Variants in GPATCH8 observed in about 807,000 individuals in gnomAD.
The protein encoded by GPATCH8 is G-patch domain containing 8.
In GPATCH8, 18 loss-of-function variants were observed where a neutral mutation model predicts 118.3. The ratio of observed to expected loss-of-function variants is 0.15; its 90% CI spans 0.11 to 0.23. The LOEUF is 0.23. Ranked by LOEUF, GPATCH8 falls within the 10% of genes least tolerant of loss-of-function variation. GPATCH8 has a pLI of 1.00. For missense variants in GPATCH8, 1,631 were observed against 1,873.8 expected, an observed-to-expected ratio of 0.87 and a Z score of 2.39; for synonymous variants, 659 against 684.7, an observed-to-expected ratio of 0.96 and a Z score of 0.59.
At chr17:44,431,647 C>T (rs576664037) in intron 5 of GPATCH8, among the ~76,000 whole-genome samples, 2 of 151,814 alleles carry the variant, frequency 1.3e-5, no homozygotes, top group African/African-American at 4.8e-5. Context: ...AGACTATATA[C>T]AAGTAAAACT....
Position 44,483,179 on chromosome 17 carries a change from ATATATATATATAT to A in GPATCH8, c.46-8289_46-8277del, listed in dbSNP as rs1568055940. On this transcript the variant is annotated intron_variant, in intron 1 of 7. Coordinates refer to ENST00000591680, the MANE Select transcript of GPATCH8 (RefSeq NM_001002909.4). ...CAAAAAAAAAAAAAAAAAAAAAAAT[ATATATATATATAT>A]ATATATATATATATATATATATATA... Among the ~76,000 whole-genome samples, 181 of 19,996 alleles carry A rather than the reference ATATATATATATAT, an allele frequency of 9.1e-3. 13 individuals carry two copies. Among genetic ancestry groups the A allele is most frequent in the Middle Eastern group, 0.016 (1 of 64 alleles). 13.1% of individuals were successfully genotyped at this position (19,996 alleles called of 152,430 possible). A position where few individuals can be genotyped will look rare whatever the true frequency, so the allele number is the denominator to read the frequency against.
intron 5 of GPATCH8, among the ~76,000 whole-genome samples, chr17:44,427,378 T>G (rs533238260): frequency 6.6e-6 from 1 of 152,018 alleles, no homozygotes; most frequent in African/African-American, 2.4e-5. Flanking sequence ...ACAACCACTT[T>G]TAAGTAAGTT....
chr17:44,418,199 G>C (rs1462186987), intron 6 of GPATCH8, among the ~76,000 whole-genome samples: 1 of 151,272 alleles, frequency 6.6e-6, no homozygotes, highest in East Asian at 1.9e-4. Flanking sequence ...GGGAGGGAAG[G>C]AGGATTGACT....
At chr17:44,402,324 CAAAAAAAAAAAA>C (rs61316944) in intron 7 of GPATCH8, among the ~76,000 whole-genome samples, 1 of 41,904 alleles carries the variant, frequency 2.4e-5, no homozygotes, top group Non-Finnish European at 5.0e-5. Flanking sequence ...GACTCTGTCT[CAAAAAAAAAAAA>C]AAAAAAAAAA....
rs552801591 is a variant in GPATCH8, at chr17:44,424,594, T to C, written c.349-102A>G. The C allele has an allele frequency of 2.9e-5, 25 of 857,650 alleles. No homozygotes were observed. In the African/African-American group the frequency reaches 3.6e-4, roughly 13 times the overall value. 53.1% of individuals were successfully genotyped at this position (857,650 alleles called of 1,614,324 possible). ...TCTATCTGAGAAGACAAAAAAGGGCTTTTCATAATATTTAGTGGTACCAGT... is the reference window on the plus strand; with the variant it reads ...TCTATCTGAGAAGACAAAAAAGGGCCTTTCATAATATTTAGTGGTACCAGT... On this transcript the variant is annotated intron_variant, in intron 5 of 7. Coordinates refer to ENST00000591680, the MANE Select transcript of GPATCH8 (RefSeq NM_001002909.4).
chr17:44,418,728 G>A (rs1001204672), intron 6 of GPATCH8, among the ~76,000 whole-genome samples: 9 of 152,322 alleles, frequency 5.9e-5, no homozygotes, highest in Admixed American at 3.3e-4. Flanking sequence ...TGGGATTACA[G>A]GCGTGAGCCA....
chr17:44,397,592 T>G lies in GPATCH8; in HGVS notation c.4485A>C (p.Gln1495His). 1 of 1,613,528 alleles carries G rather than the reference T, an allele frequency of 6.2e-7. No individual in the cohort carries two copies. Among genetic ancestry groups the G allele is most frequent in the Non-Finnish European group, 8.5e-7 (1 of 1,179,678 alleles). The change falls in exon 8 of 8, where the codon CAA becomes CAC. Residue 1495 changes from glutamine to histidine, a missense_variant. Around this residue, in one of 8 missense-constraint regions of GPATCH8, gnomAD observed 65 missense variants for 105.3 expected, o/e 0.62. Coordinates refer to ENST00000591680, the MANE Select transcript of GPATCH8 (RefSeq NM_001002909.4). Reference sequence around the variant, plus strand: ...CTCACGTGCCATGGCTGGGGGGATGTTGCAGGTCCTGACCTGAGAAGATGG... The same window carrying G: ...CTCACGTGCCATGGCTGGGGGGATGGTGCAGGTCCTGACCTGAGAAGATGG... ...LHPIFSGQDLQHPPSHGT is the reference protein window; with the variant it reads ...LHPIFSGQDLHHPPSHGT
At chr17:44,439,814 G>A (rs1373948611) in intron 3 of GPATCH8, among the ~76,000 whole-genome samples, 1 of 142,680 alleles carries the variant, frequency 7.0e-6, no homozygotes, top group Admixed American at 7.3e-5. Context: ...ATGGAGTTTC[G>A]CTCTTGTTGC....
chr17:44,482,025 G>A (rs937508712), intron 1 of GPATCH8, among the ~76,000 whole-genome samples: 1 of 152,124 alleles, frequency 6.6e-6, no homozygotes, highest in African/African-American at 2.4e-5. Context: ...GGAAGCTGAG[G>A]CAGGAGAATC....
intron 1 of GPATCH8, among the ~76,000 whole-genome samples, chr17:44,484,691 T>C (rs1011456557): frequency 1.3e-5 from 2 of 152,200 alleles, no homozygotes; most frequent in Admixed American, 6.5e-5. Context: ...TTTGTTGTCA[T>C]GTCACTTTAG....
At chr17:44,497,625 A>G (rs1302671140) in intron 1 of GPATCH8, among the ~76,000 whole-genome samples, 2 of 151,676 alleles carry the variant, frequency 1.3e-5, no homozygotes, top group Admixed American at 1.3e-4. Flanking sequence ...TAAATTTAAA[A>G]AAGTCTTGAC....
At chr17:44,457,759 C>A (rs2051388815) in intron 3 of GPATCH8, among the ~76,000 whole-genome samples, 1 of 151,582 alleles carries the variant, frequency 6.6e-6, no homozygotes, top group Admixed American at 6.6e-5. Flanking sequence ...CTAGTGAGAC[C>A]TAGTCTCTAC....
intron 6 of GPATCH8, among the ~76,000 whole-genome samples, chr17:44,411,769 T>C (rs1315406991): frequency 6.6e-6 from 1 of 152,196 alleles, no homozygotes; most frequent in Non-Finnish European, 1.5e-5. Flanking sequence ...AATGTACACA[T>C]AGTTGTCTAT....
intron 7 of GPATCH8, 92 bp from the exon 8 acceptor site, chr17:44,401,545 C>CTA: frequency 1.2e-6 from 1 of 849,740 alleles, no homozygotes; most frequent in Non-Finnish European, 2.0e-6. Context: ...TATATCCTAT[C>CTA]ATTCATTATA....
At chr17:44,487,186 C>A (rs1353301675) in intron 1 of GPATCH8, among the ~76,000 whole-genome samples, 1 of 152,184 alleles carries the variant, frequency 6.6e-6, no homozygotes, top group African/African-American at 2.4e-5. Flanking sequence ...AAACTCCTGG[C>A]AATCACTGAT....
intron 3 of GPATCH8, among the ~76,000 whole-genome samples, chr17:44,463,613 C>T (rs2051645534): frequency 6.6e-6 from 1 of 152,192 alleles, no homozygotes; most frequent in Non-Finnish European, 1.5e-5. Context: ...AATTCCTGAC[C>T]TCATGATCCA....
At chr17:44,422,991 G>A (rs62081218) in intron 6 of GPATCH8, among the ~76,000 whole-genome samples, 3 of 151,746 alleles carry the variant, frequency 2.0e-5, no homozygotes, top group Non-Finnish European at 4.4e-5. Context: ...GTCCACGGCC[G>A]GGCGCAGTGG....
chr17:44,426,761 G>A (rs1187382873), intron 5 of GPATCH8, among the ~76,000 whole-genome samples: 1 of 151,942 alleles, frequency 6.6e-6, no homozygotes, highest in East Asian at 1.9e-4. Context: ...GAATCTTAAA[G>A]ACAGACTCCT....
chr17:44,450,958 A>C (rs2051091197), intron 3 of GPATCH8, among the ~76,000 whole-genome samples: 1 of 152,206 alleles, frequency 6.6e-6, no homozygotes, highest in Non-Finnish European at 1.5e-5. Flanking sequence ...TCAATTCTCT[A>C]TTAAGCTTCC....
Sources: allele counts gnomAD v4.1 joint callset (sites outside exome capture counted in the v4.1 genomes callset), GRCh38; gene constraint gnomAD v4.1.1; regional missense constraint gnomAD v4.1.1; transcripts MANE v1.5; gene names NCBI Gene and HGNC (gene_info 2026-07-23, HGNC 2026-07-21).